The following ADAT2 variants were observed in gnomAD, a reference collection of about 807,000 sequenced individuals.
The protein encoded by ADAT2 is adenosine deaminase tRNA specific 2.
A neutral mutation model predicts 25.9 loss-of-function variants in ADAT2; 26 were observed. The observed-to-expected ratio is 1.00, with a 90% CI of 0.74 to 1.39. ADAT2 has a LOEUF of 1.39. Among genes scored for constraint, ADAT2 ranks in the 40% most tolerant of loss-of-function variants. ADAT2 has a pLI of 0.00. For synonymous variants in ADAT2, 76 were observed against 86.8 expected, an observed-to-expected ratio of 0.88 and a Z score of 0.69; for missense variants, 220 against 244.8, an observed-to-expected ratio of 0.90 and a Z score of 0.68.
rs35133336 is a variant in ADAT2 at position 143,442,476 on chromosome 6, T to TACAC, written c.97-3786_97-3783dup. 0.16 allele frequency among the ~76,000 whole-genome samples: 22,866 copies of TACAC among 142,072 alleles called. 2,110 individuals carry two copies. Among genetic ancestry groups the TACAC allele is most frequent in the Non-Finnish European group, 0.2 (13,143 of 65,298 alleles). The allele number at this position is 142,072 out of a possible 152,430, so 93.2% of individuals were successfully genotyped here. A position where few individuals can be genotyped will look rare whatever the true frequency, so the allele number is the denominator to read the frequency against. On this transcript the variant is annotated intron_variant, in intron 1 of 5. Transcript: ENST00000237283. This position sits in a 1 kb window ranked among gnomAD's most constrained non-coding sequence, Gnocchi z 4.6. ...CATGACAAAATTGCATAGGCACGCA[T>TACAC]ACACACACACACACACACACACACA...
intron 1 of ADAT2, among the ~76,000 whole-genome samples, chr6:143,445,140 T>C (rs906023105): frequency 2.0e-5 from 3 of 151,634 alleles, no homozygotes; most frequent in Non-Finnish European, 4.4e-5. Flanking sequence ...ACTTTGGGGA[T>C]TTAAAAAGTG....
chr6:143,447,728 A>C (rs1398713337), intron 1 of ADAT2, among the ~76,000 whole-genome samples: 3 of 152,042 alleles, frequency 2.0e-5, no homozygotes, highest in African/African-American at 7.2e-5. Flanking sequence ...GCTCACTTTT[A>C]AGGCCTTTTA....
intron 1 of ADAT2, among the ~76,000 whole-genome samples, chr6:143,445,163 T>C (rs1404474315): frequency 6.6e-6 from 1 of 151,818 alleles, no homozygotes; most frequent in Non-Finnish European, 1.5e-5. Context: ...AATGTTTTTA[T>C]TCCATCAACT....
chr6:143,438,235 G>T (rs995931936), intron 2 of ADAT2, among the ~76,000 whole-genome samples: 2 of 152,056 alleles, frequency 1.3e-5, no homozygotes, highest in African/African-American at 4.8e-5. Flanking sequence ...TATTAGATTG[G>T]CTTAAAGTAG....
Position 143,424,999 on chromosome 6 carries a change from C to T in ADAT2, c.*3464G>A, listed in dbSNP as rs555239051. 3 of 152,280 alleles carry T rather than the reference C, an allele frequency of 2.0e-5. No homozygotes were observed. The highest frequency in any genetic ancestry group is 2.9e-5 in the Non-Finnish European group (2 of 68,042). 9.4% of individuals were successfully genotyped at this position (152,280 alleles called of 1,614,324 possible). On this transcript the variant is annotated 3_prime_UTR_variant, in exon 6 of 6. Transcript: ENST00000237283. This position sits in a 1 kb window ranked among gnomAD's most constrained non-coding sequence, Gnocchi z 4.8. ...CAAAATTGACATCACCTTGGTGTGA[C>T]GGCCTTTGTGTGCCTCCAGATGTGA...
chr6:143,436,352 A>G lies in ADAT2; in HGVS notation c.201+2238T>C, dbSNP rs146002974. 2.1e-3 allele frequency: 530 copies of G among 256,658 alleles called. No individual in the cohort carries two copies. Among genetic ancestry groups the G allele is most frequent in the African/African-American group, 0.011 (465 of 43,956 alleles). The allele number at this position is 256,658 out of a possible 1,614,324, so 15.9% of individuals were successfully genotyped here. On this transcript the variant is annotated intron_variant, in intron 2 of 5. Transcript: ENST00000237283. This position sits in a 1 kb window ranked among gnomAD's most constrained non-coding sequence, Gnocchi z 4.1. ...GGCTGGATGTCCATGAGGGAGGTAG[A>G]GGAGAAAATGCTTCATGTCCAAACC...
chr6:143,439,896 T>G (rs751428458), intron 1 of ADAT2, among the ~76,000 whole-genome samples: 5 of 152,220 alleles, frequency 3.3e-5, no homozygotes, highest in Admixed American at 3.3e-4. Flanking sequence ...CTTCCATGAC[T>G]ACCATCCCAG....
chr6:143,432,279 C>T lies in ADAT2; in HGVS notation c.459+226G>A, dbSNP rs1779138739. ...AGTCAGCTGCGAAGGGTGGACTCTC[C>T]TTCAGGAGGGAGTCTGTTAATGAAG... On this transcript the variant is annotated intron_variant, in intron 4 of 5. Transcript: ENST00000237283. This position sits in a 1 kb window ranked among gnomAD's most constrained non-coding sequence, Gnocchi z 4.4. Among the ~76,000 whole-genome samples, 1 of 152,084 alleles carries T rather than the reference C, an allele frequency of 6.6e-6. No homozygotes were observed.
intron 4 of ADAT2, among the ~76,000 whole-genome samples, chr6:143,429,137 G>T (rs1779032881): frequency 6.6e-6 from 1 of 152,196 alleles, no homozygotes; most frequent in Non-Finnish European, 1.5e-5. Flanking sequence ...GGTCCATTAA[G>T]CATTCCATGC....
rs921547273 is a variant in ADAT2 at position 143,426,618 on chromosome 6, C to T, written c.*1845G>A. On this transcript the variant is annotated 3_prime_UTR_variant, in exon 6 of 6. Coordinates refer to ENST00000237283, the MANE Select transcript of ADAT2 (RefSeq NM_182503.3). This position sits in a 1 kb window ranked among gnomAD's most constrained non-coding sequence, Gnocchi z 4.1. ...ATTGTTAAGTCTTTTCTATCCTTCC[C>T]TGTCTATCACTTTATTATTTCCTTC... 1 of 152,192 alleles carries T rather than the reference C, an allele frequency of 6.6e-6. No individual in the cohort carries two copies. Among genetic ancestry groups the T allele is most frequent in the Non-Finnish European group, 1.5e-5 (1 of 68,044 alleles). The allele number at this position is 152,192 out of a possible 1,614,324, so 9.4% of individuals were successfully genotyped here.
intron 1 of ADAT2, among the ~76,000 whole-genome samples, chr6:143,441,241 A>G (rs1443929130): frequency 6.6e-6 from 1 of 152,204 alleles, no homozygotes; most frequent in African/African-American, 2.4e-5. Flanking sequence ...AGGAAGAAAA[A>G]CATGCTAAAA....
chr6:143,442,736 A>G lies in ADAT2; in HGVS notation c.97-4042T>C, dbSNP rs4895614. On this transcript the variant is annotated intron_variant, in intron 1 of 5. Coordinates refer to ENST00000237283, the MANE Select transcript of ADAT2 (RefSeq NM_182503.3). The surrounding 1 kb of genome is among the most constrained non-coding windows in gnomAD (Gnocchi z 4.6). ...TAAACAAAAAGGATTTTGCAATGGG[A>G]ATTAAAAAGAGATGTTTAGTGAGTT... Among the ~76,000 whole-genome samples the G allele has an allele frequency of 0.55, 83,018 of 152,054 alleles. 23,306 individuals are homozygous for G. The highest frequency in any genetic ancestry group is 0.63 in the African/African-American group (26,184 of 41,464).
chr6:143,427,740 G>A lies in ADAT2; in HGVS notation c.*723C>T, dbSNP rs781073542. On this transcript the variant is annotated 3_prime_UTR_variant, in exon 6 of 6. Coordinates refer to ENST00000237283, the MANE Select transcript of ADAT2 (RefSeq NM_182503.3). ...CCTTGCTAGAATATAAGCTCCATGA[G>A]GGTGGGATAATTTGGTTTTTTGCTC... The A allele has an allele frequency of 3.9e-5, 6 of 152,176 alleles. No homozygotes were observed. Among genetic ancestry groups the A allele is most frequent in the Admixed American group, 1.3e-4 (2 of 15,280 alleles). 9.4% of individuals were successfully genotyped at this position (152,176 alleles called of 1,614,324 possible).
chr6:143,440,118 A>T lies in ADAT2; in HGVS notation c.97-1424T>A, dbSNP rs1779414831. Among the ~76,000 whole-genome samples the T allele has an allele frequency of 1.3e-5, 2 of 152,158 alleles. No homozygotes were observed. Among genetic ancestry groups the T allele is most frequent in the Admixed American group, 1.3e-4 (2 of 15,274 alleles). ...GAGTACAACCCTTGGACTAGTGTAC[A>T]TTCATTCCCATCTCAATGCAGTCAA... is the stretch of plus-strand genomic sequence containing the variant. On this transcript the variant is annotated intron_variant, in intron 1 of 5. Transcript: ENST00000237283. The surrounding 1 kb of genome is among the most constrained non-coding windows in gnomAD (Gnocchi z 4.5).
intron 4 of ADAT2, among the ~76,000 whole-genome samples, chr6:143,430,475 G>A (rs1229543337): frequency 2.6e-5 from 4 of 152,148 alleles, no homozygotes; most frequent in East Asian, 1.9e-4. Flanking sequence ...AAACTGCACC[G>A]CCCTAACACA....
Position 143,428,381 on chromosome 6 carries a change from G to C in ADAT2, c.*82C>G. The C allele has an allele frequency of 6.9e-7, 1 of 1,444,200 alleles. No homozygotes were observed. Among genetic ancestry groups the C allele is most frequent in the South Asian group, 1.2e-5 (1 of 81,876 alleles). The allele number at this position is 1,444,200 out of a possible 1,614,324, so 89.5% of individuals were successfully genotyped here. A position where few individuals can be genotyped will look rare whatever the true frequency, so the allele number is the denominator to read the frequency against. ...GATTAAAAACAATATATAAACATAT[G>C]ATTCAACGATGTCAACAGCTTTCAG... On this transcript the variant is annotated 3_prime_UTR_variant, in exon 6 of 6. Transcript: ENST00000237283. The surrounding 1 kb of genome is among the most constrained non-coding windows in gnomAD (Gnocchi z 5.0).
chr6:143,444,902 TA>T lies in ADAT2; in HGVS notation c.96+5660del. On this transcript the variant is annotated intron_variant, in intron 1 of 5. Coordinates refer to ENST00000237283, the MANE Select transcript of ADAT2 (RefSeq NM_182503.3). The surrounding 1 kb of genome is among the most constrained non-coding windows in gnomAD (Gnocchi z 4.3). Reference sequence around the variant, plus strand: ...AAACTGCTTTCTAGTGATGTCATGATAAAAGGGGGAGAGATGGAAACAGACC... The same window carrying T: ...AAACTGCTTTCTAGTGATGTCATGATAAAGGGGGAGAGATGGAAACAGACC... 1 of 1,294,018 alleles carries T rather than the reference TA, an allele frequency of 7.7e-7. No homozygotes were observed. The highest frequency in any genetic ancestry group is 1.0e-6 in the Non-Finnish European group (1 of 982,142). The allele number at this position is 1,294,018 out of a possible 1,614,324, so 80.2% of individuals were successfully genotyped here.
intron 1 of ADAT2, among the ~76,000 whole-genome samples, chr6:143,449,104 T>A (rs745338230): frequency 1.8e-4 from 27 of 152,066 alleles, no homozygotes; most frequent in Non-Finnish European, 3.1e-4. Flanking sequence ...TGGAGTACAG[T>A]GGCACAGACA....
At position 143,432,840 on chromosome 6, in the gene ADAT2, G is replaced by C. The variant is rs1354258361; in HGVS notation, c.353-229C>G. The stretch of plus-strand genomic sequence containing the variant: ...CAACTGCAAACAGAATGAAAACTGA[G>C]TATGTGTTTGCTTAAAGTTCACAGT... On this transcript the variant is annotated intron_variant, in intron 3 of 5. Transcript: ENST00000237283. This position sits in a 1 kb window ranked among gnomAD's most constrained non-coding sequence, Gnocchi z 4.4. Among the ~76,000 whole-genome samples, 2 of 152,240 alleles carry C rather than the reference G, an allele frequency of 1.3e-5. No individual in the cohort carries two copies. Among genetic ancestry groups the C allele is most frequent in the Non-Finnish European group, 2.9e-5 (2 of 68,044 alleles).
Sources: gnomAD v4.1 joint callset for allele counts (sites outside exome capture counted in the v4.1 genomes callset) on GRCh38, gnomAD v4.1.1 for gene constraint, Gnocchi (gnomAD v3.1) non-coding constraint, MANE v1.5 for transcripts, NCBI Gene and HGNC (gene_info 2026-07-23, HGNC 2026-07-21) for gene names.